The following SS18L1 variants were observed in gnomAD, a reference collection of about 807,000 sequenced individuals.
The protein encoded by SS18L1 is SS18L1 subunit of BAF chromatin remodeling complex.
In SS18L1, 32 loss-of-function variants were observed where a neutral mutation model predicts 70.3. The ratio of observed to expected loss-of-function variants is 0.46; its 90% CI spans 0.34 to 0.61. The LOEUF is 0.61. Ranked by LOEUF, SS18L1 falls within the 20% of genes least tolerant of loss-of-function variation. The pLI is 0.01. For missense variants in SS18L1, 430 were observed against 542.1 expected (o/e 0.79, Z 2.05); for synonymous variants, 237 against 229.7 (o/e 1.03, Z -0.29).
chr20:62,154,165 C>T (rs2057181800), intron 1 of SS18L1: 1 of 255,822 alleles, frequency 3.9e-6, no homozygotes, highest in South Asian at 1.5e-4. Flanking sequence ...TGTGACTTCC[C>T]AGTTGTCCCG....
intron 4 of SS18L1, 177 bp from the exon 5 acceptor site, chr20:62,162,575 A>T (rs2057349214): frequency 9.2e-6 from 6 of 653,636 alleles, no homozygotes; most frequent in Middle Eastern, 4.3e-4. Context: ...AAGTGCTGGG[A>T]TTACAGGCAT....
rs1444160223 is a variant in SS18L1, at chr20:62,169,884, C to T, written c.917-2798C>T. The stretch of plus-strand genomic sequence containing the variant: ...CTCCTGGAGTCCCGAGCGCGGCTGG[C>T]GTGTCGTGTGCATTTCTCAGGCCCT... On this transcript the variant is annotated intron_variant, in intron 8 of 10. Coordinates refer to ENST00000331758, the MANE Select transcript of SS18L1 (RefSeq NM_198935.3). Among the ~76,000 whole-genome samples the T allele has an allele frequency of 3.9e-5, 6 of 152,236 alleles. No individual in the cohort carries two copies. The East Asian group carries it at 7.7e-4, about 20-fold the overall frequency.
intron 10 of SS18L1, among the ~76,000 whole-genome samples, chr20:62,177,565 A>G (rs939156228): frequency 6.6e-6 from 1 of 152,220 alleles, no homozygotes; most frequent in African/African-American, 2.4e-5. Context: ...CTGGGGACAC[A>G]TGGAGAACAG....
At position 62,161,805 on chromosome 20, in the gene SS18L1, A is replaced by G. The variant is rs1329133597; in HGVS notation, c.376+225A>G. ...CTGCTCCAGTTGTCCACTCTCTCTG[A>G]CACTGTCACGTTCCATCAAATTCAA... On this transcript the variant is annotated intron_variant, in intron 4 of 10. Transcript: ENST00000331758. This position sits in a 1 kb window ranked among gnomAD's most constrained non-coding sequence, Gnocchi z 4.4. Among the ~76,000 whole-genome samples the G allele has an allele frequency of 3.9e-5, 6 of 152,228 alleles. No individual in the cohort carries two copies. In the East Asian group the frequency reaches 1.2e-3, roughly 29 times the overall value.
Position 62,179,731 on chromosome 20 carries a change from C to CCCCCCCCCA in SS18L1, c.*523_*524insCCCCCCCCA. The CCCCCCCCCA allele has an allele frequency of 1.4e-5, 2 of 145,792 alleles. No homozygotes were observed. The highest frequency in any genetic ancestry group is 3.0e-5 in the Non-Finnish European group (2 of 66,734). 9.0% of individuals were successfully genotyped at this position (145,792 alleles called of 1,614,324 possible). On this transcript the variant is annotated 3_prime_UTR_variant, in exon 11 of 11. Transcript: ENST00000331758. ...TGCCTCGATGGGGTGGGTGGGAGGG[C>CCCCCCCCCA]ATCTTCTGTGCGTTGGGTCAGTTTC...
chr20:62,179,084 CT>C (rs2057669598), intron 10 of SS18L1, 97 bp from the exon 11 acceptor site: 3 of 1,337,360 alleles, frequency 2.2e-6, no homozygotes, highest in Non-Finnish European at 3.2e-6. Flanking sequence ...TGTTTGCTTG[CT>C]GTTGTCCCTC....
intron 3 of SS18L1, 121 bp downstream of exon 3, chr20:62,160,082 A>C: frequency 3.1e-6 from 3 of 980,332 alleles, no homozygotes; most frequent in Admixed American, 4.7e-5. Flanking sequence ...CAAAAATACC[A>C]CTAGAGCCAC....
In SS18L1 at chr20:62,174,689, G is replaced by A. The variant is rs368299137; in HGVS notation, c.1164+45G>A. On this transcript the variant is annotated intron_variant, in intron 10 of 10. Coordinates refer to ENST00000331758, the MANE Select transcript of SS18L1 (RefSeq NM_198935.3). This position sits in a 1 kb window ranked among gnomAD's most constrained non-coding sequence, Gnocchi z 4.1. Reference sequence around the variant, plus strand: ...CCAGATGTGCCCATCCGCCGCGCCTGTCGAGACATAATGAAGATTTCTCTT... The same window carrying A: ...CCAGATGTGCCCATCCGCCGCGCCTATCGAGACATAATGAAGATTTCTCTT... The A allele has an allele frequency of 6.2e-7, 1 of 1,612,882 alleles. No homozygotes were observed. Among genetic ancestry groups the A allele is most frequent in the Admixed American group, 1.7e-5 (1 of 60,016 alleles).
At chr20:62,178,313 AT>A (rs1434905692) in intron 10 of SS18L1, among the ~76,000 whole-genome samples, 50 of 141,988 alleles carry the variant, frequency 3.5e-4, no homozygotes, top group Admixed American at 4.2e-4. Context: ...CACCTGGCTA[AT>A]TTTTTTTTTT....
chr20:62,171,611 T>TAGG (rs769357008), intron 8 of SS18L1, among the ~76,000 whole-genome samples: 1 of 152,222 alleles, frequency 6.6e-6, no homozygotes, highest in Non-Finnish European at 1.5e-5. Context: ...CAGTGTGCAT[T>TAGG]ATCTCAATAA....
intron 8 of SS18L1, among the ~76,000 whole-genome samples, chr20:62,167,397 G>GAA (rs74893564): frequency 1.4e-4 from 17 of 122,206 alleles, no homozygotes; most frequent in Non-Finnish European, 2.1e-4. Flanking sequence ...TTTCTCTCCC[G>GAA]AAAAAAAAAA....
At chr20:62,178,416 G>C (rs2057658667) in intron 10 of SS18L1, among the ~76,000 whole-genome samples, 1 of 151,040 alleles carries the variant, frequency 6.6e-6, no homozygotes, top group African/African-American at 2.4e-5. Flanking sequence ...GCCTCCCAAA[G>C]TGCTGGGATT....
intron 6 of SS18L1, 68 bp downstream of exon 6, chr20:62,163,690 T>C (rs1040668723): frequency 6.9e-7 from 1 of 1,455,280 alleles, no homozygotes; most frequent in Admixed American, 2.5e-5. Flanking sequence ...CCAGGCTGTG[T>C]GTGCTTCTCT....
In SS18L1 at chr20:62,165,518, A is replaced by G; in HGVS notation, c.916+4A>G. ...ACGCAGCACTACTATGAGGGGGGTA[A>G]GGAGCACGGCTGCGTGCTGGGCTCG... On this transcript the variant is annotated splice_donor_region_variant and intron_variant, in intron 8 of 10. Transcript: ENST00000331758. 2 of 1,610,022 alleles carry G rather than the reference A, an allele frequency of 1.2e-6. No homozygotes were observed. The highest frequency in any genetic ancestry group is 1.7e-6 in the Non-Finnish European group (2 of 1,178,604).
chr20:62,178,963 A>C (rs777741820), intron 10 of SS18L1, among the ~76,000 whole-genome samples: 1 of 152,212 alleles, frequency 6.6e-6, no homozygotes, highest in African/African-American at 2.4e-5. Flanking sequence ...CAGCGATGCC[A>C]GTGTGTGACT....
intron 10 of SS18L1, among the ~76,000 whole-genome samples, chr20:62,176,590 A>C (rs2057623829): frequency 6.6e-6 from 1 of 152,104 alleles, no homozygotes. Flanking sequence ...TGAGGCGGGT[A>C]GATCACCTGC....
chr20:62,165,212 C>T (rs1464291801), intron 7 of SS18L1, among the ~76,000 whole-genome samples: 6 of 152,202 alleles, frequency 3.9e-5, no homozygotes, highest in African/African-American at 4.8e-5. Context: ...GCTTCACAGT[C>T]GCCCCGAGAA....
chr20:62,182,291 TTTTCCA>T lies in SS18L1; in HGVS notation c.*3093_*3098del, dbSNP rs1187618050. 9.2e-6 allele frequency: 2 copies of T among 216,852 alleles called. No homozygotes were observed. Among genetic ancestry groups the T allele is most frequent in the East Asian group, 6.8e-5 (1 of 14,638 alleles). The allele number at this position is 216,852 out of a possible 1,614,324, so 13.4% of individuals were successfully genotyped here. A position where few individuals can be genotyped will look rare whatever the true frequency, so the allele number is the denominator to read the frequency against. On this transcript the variant is annotated 3_prime_UTR_variant, in exon 11 of 11. Transcript: ENST00000331758. ...CAAAACTGTACAAAGAAGACGACTG[TTTTCCA>T]TTTCCATTTAAACATTTTTAGCCAC... is the stretch of plus-strand genomic sequence containing the variant.
At position 62,172,766 on chromosome 20, in the gene SS18L1, G is replaced by A; in HGVS notation, c.1001G>A (p.Ser334Asn). Reference sequence around the variant, plus strand: ...ACGTACTCCCAGCAGCAGTACCCCAGCCAGCAGAGCTACCCCGGGCAGCAG... The same window carrying A: ...ACGTACTCCCAGCAGCAGTACCCCAACCAGCAGAGCTACCCCGGGCAGCAG... Reference protein sequence around the residue: ...QQTYSQQQYPSQQSYPGQQQG... With the variant: ...QQTYSQQQYPNQQSYPGQQQG... Residue 334 changes from serine (S) to asparagine (N), a missense_variant, in exon 9 of 11, where the codon AGC becomes AAC. Transcript: ENST00000331758. 6 of 1,614,048 alleles carry A rather than the reference G, an allele frequency of 3.7e-6. No homozygotes were observed. Among genetic ancestry groups the A allele is most frequent in the Non-Finnish European group, 5.1e-6 (6 of 1,180,002 alleles).
Sources: allele counts gnomAD v4.1 joint callset (sites outside exome capture counted in the v4.1 genomes callset), GRCh38; gene constraint gnomAD v4.1.1; non-coding constraint Gnocchi (gnomAD v3.1); transcripts MANE v1.5; gene names NCBI Gene and HGNC (gene_info 2026-07-23, HGNC 2026-07-21).